SHFL: variants seen among roughly 807,000 people sequenced by gnomAD.
SHFL encodes shiftless antiviral inhibitor of ribosomal frameshifting protein.
A neutral mutation model predicts 34.7 loss-of-function variants in SHFL; 12 were observed. That is an observed-to-expected ratio of 0.35 (90% confidence interval 0.22 to 0.56). The LOEUF is 0.56. SHFL is among the 20% of genes least tolerant of loss of function. The probability of loss-of-function intolerance (pLI) is 0.88; values close to 1 mark genes in which losing one functional copy is unlikely to be tolerated. For synonymous variants in SHFL, 148 were observed against 156.0 expected (o/e 0.95, Z 0.38); for missense variants, 278 against 411.1 (o/e 0.68, Z 2.80).
At position 10,089,794 on chromosome 19, in the gene SHFL, G is replaced by C. The variant is rs1288468984; in HGVS notation, c.234+99G>C. ...AGGGCAGGAGGGGAGATATTCACTG[G>C]GGCAGGAAGAGGACTCGTCTGTAGG... On this transcript the variant is annotated intron_variant, in intron 4 of 7. Transcript: ENST00000253110. 3.2e-6 allele frequency: 5 copies of C among 1,555,872 alleles called. No homozygotes were observed. In the East Asian group the frequency reaches 1.2e-4, roughly 37 times the overall value.
intron 3 of SHFL, among the ~76,000 whole-genome samples, chr19:10,088,625 T>C (rs1393002936): frequency 6.6e-6 from 1 of 151,084 alleles, no homozygotes; most frequent in Non-Finnish European, 1.5e-5. Flanking sequence ...ATAGTCTACA[T>C]TTATACATAT....
rs915876975 is a variant in SHFL, at chr19:10,093,139, C to CT, written c.*844dup. On this transcript the variant is annotated 3_prime_UTR_variant, in exon 8 of 8. Transcript: ENST00000253110. ...CTTTACTTGAACAGGAGTCTTGATT[C>CT]TTTTTTTGCCTCATCAGAGAAGGAA... 23 of 624,442 alleles carry CT rather than the reference C, an allele frequency of 3.7e-5. No homozygotes were observed. The highest frequency in any genetic ancestry group is 3.3e-4 in the African/African-American group (18 of 54,894). 38.7% of individuals were successfully genotyped at this position (624,442 alleles called of 1,614,324 possible).
rs576465416 is a variant in SHFL at position 10,091,965 on chromosome 19, G to T, written c.644-105G>T. 2 of 1,366,374 alleles carry T rather than the reference G, an allele frequency of 1.5e-6. No individual in the cohort carries two copies. Among genetic ancestry groups the T allele is most frequent in the African/African-American group, 2.9e-5 (2 of 68,098 alleles). 84.6% of individuals were successfully genotyped at this position (1,366,374 alleles called of 1,614,324 possible). On this transcript the variant is annotated intron_variant, in intron 7 of 7. Transcript: ENST00000253110. This position sits in a 1 kb window ranked among gnomAD's most constrained non-coding sequence, Gnocchi z 8.2. The stretch of plus-strand genomic sequence containing the variant: ...TCCAGTTGTGCTGGTCCCCGTATCT[G>T]GTGGTCTCAGCTCCTCCCTAGAGCC...
At position 10,091,649 on chromosome 19, in the gene SHFL, A is replaced by T; in HGVS notation, c.643+19A>T. Reference sequence around the variant, plus strand: ...CGGCGAGGTGAGGCTCTTCTCCCCCAACAGCCTGGACAGTCTTTGTCCCCT... The same window carrying T: ...CGGCGAGGTGAGGCTCTTCTCCCCCTACAGCCTGGACAGTCTTTGTCCCCT... On this transcript the variant is annotated intron_variant, in intron 7 of 7. Transcript: ENST00000253110. This position sits in a 1 kb window ranked among gnomAD's most constrained non-coding sequence, Gnocchi z 8.2. 1.9e-6 allele frequency: 3 copies of T among 1,538,466 alleles called. No individual in the cohort carries two copies. Among genetic ancestry groups the T allele is most frequent in the Non-Finnish European group, 2.6e-6 (3 of 1,139,024 alleles).
chr19:10,092,488 G>A lies in SHFL; in HGVS notation c.*186G>A, dbSNP rs2088412343. On this transcript the variant is annotated 3_prime_UTR_variant, in exon 8 of 8. Coordinates refer to ENST00000253110, the MANE Select transcript of SHFL (RefSeq NM_018381.4). Reference sequence around the variant, plus strand: ...ACAGATCCACAGTGGGAAGTTCTGTGGGACACATTGGCACTGAGCCACAAA... The same window carrying A: ...ACAGATCCACAGTGGGAAGTTCTGTAGGACACATTGGCACTGAGCCACAAA... 1.3e-6 allele frequency: 2 copies of A among 1,518,976 alleles called. No homozygotes were observed. Among genetic ancestry groups the A allele is most frequent in the East Asian group, 2.3e-5 (1 of 44,194 alleles). The allele number at this position is 1,518,976 out of a possible 1,614,324, so 94.1% of individuals were successfully genotyped here.
In SHFL at chr19:10,086,807, G is replaced by A. The variant is rs564506146; in HGVS notation, c.22-122G>A. ...ATGCCGTAAAGGGATGAAAGGCGGG[G>A]GGGGGGCGGCGGAGGCCAAAACCAA... On this transcript the variant is annotated intron_variant, in intron 1 of 7. Coordinates refer to ENST00000253110, the MANE Select transcript of SHFL (RefSeq NM_018381.4). The surrounding 1 kb of genome is among the most constrained non-coding windows in gnomAD (Gnocchi z 5.2). The A allele has an allele frequency of 5.0e-6, 6 of 1,194,888 alleles. No individual in the cohort carries two copies. Among genetic ancestry groups the A allele is most frequent in the East Asian group, 2.6e-5 (1 of 38,618 alleles). The allele number at this position is 1,194,888 out of a possible 1,614,324, so 74.0% of individuals were successfully genotyped here. A position where few individuals can be genotyped will look rare whatever the true frequency, so the allele number is the denominator to read the frequency against.
intron 3 of SHFL, chr19:10,089,211 C>G (rs2088339978): frequency 8.4e-7 from 1 of 1,187,158 alleles, no homozygotes; most frequent in Non-Finnish European, 1.2e-6. Flanking sequence ...ACATGCCTGT[C>G]AGTGGGAACC....
At chr19:10,090,292 A>C in intron 5 of SHFL, 1 of 519,672 alleles carries the variant, frequency 1.9e-6, no homozygotes, top group Non-Finnish European at 3.5e-6. Flanking sequence ...CCACAATTGA[A>C]CAGCTACTAC....
chr19:10,093,137 T>C lies in SHFL; in HGVS notation c.*835T>C. On this transcript the variant is annotated 3_prime_UTR_variant, in exon 8 of 8. Coordinates refer to ENST00000253110, the MANE Select transcript of SHFL (RefSeq NM_018381.4). ...CCCTTTACTTGAACAGGAGTCTTGA[T>C]TCTTTTTTTGCCTCATCAGAGAAGG... is the stretch of plus-strand genomic sequence containing the variant. 1.6e-6 allele frequency: 1 copy of C among 619,230 alleles called. No homozygotes were observed. Among genetic ancestry groups the C allele is most frequent in the Non-Finnish European group, 2.7e-6 (1 of 364,558 alleles). 38.4% of individuals were successfully genotyped at this position (619,230 alleles called of 1,614,324 possible).
In SHFL at chr19:10,092,928, T is replaced by C. The variant is rs1337976542; in HGVS notation, c.*626T>C. 12 of 631,614 alleles carry C rather than the reference T, an allele frequency of 1.9e-5. No homozygotes were observed. The highest frequency in any genetic ancestry group is 3.0e-5 in the Non-Finnish European group (12 of 399,058). 39.1% of individuals were successfully genotyped at this position (631,614 alleles called of 1,614,324 possible). A position where few individuals can be genotyped will look rare whatever the true frequency, so the allele number is the denominator to read the frequency against. ...ATCTTCCATCTCCTCAGCAAAAAAA[T>C]AGGAGCCCTGGCCCCCCAACTTTCT... On this transcript the variant is annotated 3_prime_UTR_variant, in exon 8 of 8. Coordinates refer to ENST00000253110, the MANE Select transcript of SHFL (RefSeq NM_018381.4).
In SHFL at chr19:10,093,114, C is replaced by G. The variant is rs1034265961; in HGVS notation, c.*812C>G. ...AGAGTACTAGCTCTCACCCTCTGCCCTTTACTTGAACAGGAGTCTTGATTC... is the reference window on the plus strand; with the variant it reads ...AGAGTACTAGCTCTCACCCTCTGCCGTTTACTTGAACAGGAGTCTTGATTC... On this transcript the variant is annotated 3_prime_UTR_variant, in exon 8 of 8. Transcript: ENST00000253110. The G allele has an allele frequency of 5.3e-6, 3 of 570,208 alleles. No homozygotes were observed. The African/African-American group carries it at 5.6e-5, about 11-fold the overall frequency. The allele number at this position is 570,208 out of a possible 1,614,324, so 35.3% of individuals were successfully genotyped here. A position where few individuals can be genotyped will look rare whatever the true frequency, so the allele number is the denominator to read the frequency against.
Position 10,091,991 on chromosome 19 carries a change from C to T in SHFL, c.644-79C>T. 7 of 1,575,490 alleles carry T rather than the reference C, an allele frequency of 4.4e-6. No individual in the cohort carries two copies. The highest frequency in any genetic ancestry group is 6.1e-6 in the Non-Finnish European group (7 of 1,155,340). Reference sequence around the variant, plus strand: ...GTGGTCTCAGCTCCTCCCTAGAGCCCCGCGTGGCCTAAGTCCCCTCCTCCC... The same window carrying T: ...GTGGTCTCAGCTCCTCCCTAGAGCCTCGCGTGGCCTAAGTCCCCTCCTCCC... On this transcript the variant is annotated intron_variant, in intron 7 of 7. Transcript: ENST00000253110. This position sits in a 1 kb window ranked among gnomAD's most constrained non-coding sequence, Gnocchi z 8.2.
At position 10,091,457 on chromosome 19, in the gene SHFL, C is replaced by T. The variant is rs1334919796; in HGVS notation, c.489-19C>T. The T allele has an allele frequency of 6.5e-7, 1 of 1,539,294 alleles. No homozygotes were observed. Among genetic ancestry groups the T allele is most frequent in the Non-Finnish European group, 8.8e-7 (1 of 1,138,832 alleles). On this transcript the variant is annotated intron_variant, in intron 6 of 7. Transcript: ENST00000253110. This position sits in a 1 kb window ranked among gnomAD's most constrained non-coding sequence, Gnocchi z 8.2. ...GCCCAGCCTCGCCCTCGGACCCTCACAGCCCTGCCCGCCCCCAGGGGCTGG... is the reference window on the plus strand; with the variant it reads ...GCCCAGCCTCGCCCTCGGACCCTCATAGCCCTGCCCGCCCCCAGGGGCTGG...
intron 5 of SHFL, among the ~76,000 whole-genome samples, chr19:10,090,557 C>G (rs1015930418): frequency 6.6e-6 from 1 of 151,488 alleles, no homozygotes; most frequent in African/African-American, 2.4e-5. Flanking sequence ...ACCTCAACCT[C>G]CCAAGCAGCT....
At chr19:10,089,797 C>A in intron 4 of SHFL, 101 bp from the exon 5 acceptor site, 2 of 1,554,844 alleles carry the variant, frequency 1.3e-6, no homozygotes, top group Non-Finnish European at 1.7e-6. Flanking sequence ...TTCACTGGGG[C>A]AGGAAGAGGA....
Position 10,086,872 on chromosome 19 carries a change from G to C in SHFL, c.22-57G>C, listed in dbSNP as rs999376515. The C allele has an allele frequency of 1.9e-6, 3 of 1,600,882 alleles. No individual in the cohort carries two copies. Among genetic ancestry groups the C allele is most frequent in the Non-Finnish European group, 2.6e-6 (3 of 1,171,970 alleles). On this transcript the variant is annotated intron_variant, in intron 1 of 7. Transcript: ENST00000253110. This position sits in a 1 kb window ranked among gnomAD's most constrained non-coding sequence, Gnocchi z 5.2. ...CCGGGAGAACGGTGCCTAGAGATGG[G>C]GGAGGGATGATCCCGTTTCCCCTTC...
Position 10,091,764 on chromosome 19 carries a change from C to T in SHFL, c.643+134C>T, listed in dbSNP as rs2088394790. On this transcript the variant is annotated intron_variant, in intron 7 of 7. Coordinates refer to ENST00000253110, the MANE Select transcript of SHFL (RefSeq NM_018381.4). The surrounding 1 kb of genome is among the most constrained non-coding windows in gnomAD (Gnocchi z 8.2). Reference sequence around the variant, plus strand: ...CTTCCACATGGCCTCCATGACCCCCCAGTCTCCGTGGTCTTGCCCAGGAGG... The same window carrying T: ...CTTCCACATGGCCTCCATGACCCCCTAGTCTCCGTGGTCTTGCCCAGGAGG... 2 of 1,268,874 alleles carry T rather than the reference C, an allele frequency of 1.6e-6. No individual in the cohort carries two copies. The highest frequency in any genetic ancestry group is 1.5e-5 in the African/African-American group (1 of 66,460). 78.6% of individuals were successfully genotyped at this position (1,268,874 alleles called of 1,614,324 possible).
chr19:10,086,509 A>G lies in SHFL; in HGVS notation c.21+61A>G. On this transcript the variant is annotated intron_variant, in intron 1 of 7. Coordinates refer to ENST00000253110, the MANE Select transcript of SHFL (RefSeq NM_018381.4). This position sits in a 1 kb window ranked among gnomAD's most constrained non-coding sequence, Gnocchi z 5.2. ...CGACAGACCCCGAGGAGCGGCCGGG[A>G]GGCGCGGAGGGGGCTTCGCAGTTCC... 1 of 1,314,574 alleles carries G rather than the reference A, an allele frequency of 7.6e-7. No individual in the cohort carries two copies. Among genetic ancestry groups the G allele is most frequent in the Non-Finnish European group, 9.8e-7 (1 of 1,022,944 alleles). 81.4% of individuals were successfully genotyped at this position (1,314,574 alleles called of 1,614,324 possible). A position where few individuals can be genotyped will look rare whatever the true frequency, so the allele number is the denominator to read the frequency against.
chr19:10,093,181 C>T lies in SHFL; in HGVS notation c.*879C>T. On this transcript the variant is annotated 3_prime_UTR_variant, in exon 8 of 8. Transcript: ENST00000253110. ...GAGAAGGAATCTGGACTCCCCATCCCCCCACCAGGATAAAAGTCCTGACCT... is the reference window on the plus strand; with the variant it reads ...GAGAAGGAATCTGGACTCCCCATCCTCCCACCAGGATAAAAGTCCTGACCT... 1.1e-6 allele frequency: 1 copy of T among 921,100 alleles called. No homozygotes were observed. Among genetic ancestry groups the T allele is most frequent in the Non-Finnish European group, 1.6e-6 (1 of 612,506 alleles). The allele number at this position is 921,100 out of a possible 1,614,324, so 57.1% of individuals were successfully genotyped here. A position where few individuals can be genotyped will look rare whatever the true frequency, so the allele number is the denominator to read the frequency against.
Sources: allele counts gnomAD v4.1 joint callset (sites outside exome capture counted in the v4.1 genomes callset), GRCh38; gene constraint gnomAD v4.1.1; non-coding constraint Gnocchi (gnomAD v3.1); transcripts MANE v1.5; gene names NCBI Gene and HGNC (gene_info 2026-07-23, HGNC 2026-07-21).